BRD4: variants seen among roughly 807,000 people sequenced by gnomAD.
BRD4 encodes the protein bromodomain containing 4.
Under a neutral mutation model 142.1 loss-of-function variants are expected in BRD4, and 16 were observed. The observed-to-expected ratio is 0.11, with a 90% CI of 0.08 to 0.17. The LOEUF (loss-of-function observed/expected upper bound fraction) is 0.17. Ranked by LOEUF, BRD4 falls within the 10% of genes least tolerant of loss-of-function variation. The pLI, the probability that BRD4 is intolerant of heterozygous loss-of-function variation, is 1.00. For missense variants in BRD4, 1,424 were observed against 1,810.9 expected (o/e 0.79, Z 3.88); for synonymous variants, 833 against 707.5 (o/e 1.18, Z -2.82).
intron 1 of BRD4, among the ~76,000 whole-genome samples, chr19:15,323,530 T>C (rs1057036852): frequency 6.6e-6 from 1 of 152,184 alleles, no homozygotes; most frequent in Non-Finnish European, 1.5e-5. Flanking sequence ...CCTCTTCCCT[T>C]TTCTTTACAC....
At chr19:15,278,345 C>A (rs2047671590) in intron 1 of BRD4, among the ~76,000 whole-genome samples, 1 of 151,642 alleles carries the variant, frequency 6.6e-6, no homozygotes, top group South Asian at 2.1e-4. Context: ...GACCAGCCTG[C>A]CAATCTGGTG....
At position 15,257,069 on chromosome 19, in the gene BRD4, C is replaced by A; in HGVS notation, c.1446G>T (p.Pro482=). 2 of 1,604,450 alleles carry A rather than the reference C, an allele frequency of 1.2e-6. No homozygotes were observed. The highest frequency in any genetic ancestry group is 8.5e-7 in the Non-Finnish European group (1 of 1,177,552). ...CGCTGCTGCTGTCGCTGGATGAGGG[C>A]GGGGCCACAACCTTGGTGGGAGGGG... ...AVPPPTKVVA[P]PSSSDSSSDS... is the part of the protein sequence containing the mutation. Residue 482 remains proline (P), a synonymous_variant, in exon 8 of 20, where the codon CCG becomes CCT. Transcript: ENST00000679869.
chr19:15,242,204 G>A (rs554459765), intron 14 of BRD4, among the ~76,000 whole-genome samples: 4 of 151,982 alleles, frequency 2.6e-5, no homozygotes, highest in Admixed American at 6.5e-5. Flanking sequence ...ACCCAAGACA[G>A]GCAGCACCAT....
intron 1 of BRD4, among the ~76,000 whole-genome samples, chr19:15,291,712 A>G (rs2047783121): frequency 6.6e-6 from 1 of 151,818 alleles, no homozygotes. Context: ...CACAGCTTCC[A>G]TTTGGTGATA....
chr19:15,253,742 G>C (rs776683044), intron 11 of BRD4: 2 of 1,598,454 alleles, frequency 1.3e-6, no homozygotes, highest in Non-Finnish European at 1.7e-6. Flanking sequence ...CTGTGATACG[G>C]GGAAGGCCCT....
At chr19:15,321,407 G>C (rs909688095) in intron 1 of BRD4, among the ~76,000 whole-genome samples, 1 of 151,382 alleles carries the variant, frequency 6.6e-6, no homozygotes, top group Non-Finnish European at 1.5e-5. Flanking sequence ...TGAGGGAATG[G>C]AGGGCAGAGA....
chr19:15,255,145 A>G, intron 10 of BRD4, 152 bp downstream of exon 10: 2 of 792,048 alleles, frequency 2.5e-6, no homozygotes, highest in South Asian at 3.8e-5. Context: ...CAATGTCACA[A>G]CCTTTCGGAG....
chr19:15,244,603 G>A lies in BRD4; in HGVS notation c.2212-3C>T, dbSNP rs111301968. 1.2e-6 allele frequency: 2 copies of A among 1,612,552 alleles called. No homozygotes were observed. Among genetic ancestry groups the A allele is most frequent in the Non-Finnish European group, 8.5e-7 (1 of 1,179,876 alleles). On this transcript the variant is annotated splice_polypyrimidine_tract_variant and splice_region_variant and intron_variant, in intron 12 of 19. Coordinates refer to ENST00000679869, the MANE Select transcript of BRD4 (RefSeq NM_001379291.1). ...TGCTGATGGTGGTGATGATGGTGCT[G>A]CAGACAGAGAGACAGACAGACAGAC...
At chr19:15,279,748 C>A (rs1411196296) in intron 1 of BRD4, among the ~76,000 whole-genome samples, 1 of 152,198 alleles carries the variant, frequency 6.6e-6, no homozygotes, top group South Asian at 2.1e-4. Flanking sequence ...CCAGTTCCGT[C>A]CATCACAAGT....
At chr19:15,329,350 T>C (rs2048137296) in intron 1 of BRD4, among the ~76,000 whole-genome samples, 1 of 152,172 alleles carries the variant, frequency 6.6e-6, no homozygotes, top group Non-Finnish European at 1.5e-5. Context: ...ACATTTTACA[T>C]TCACAAAATA....
chr19:15,241,324 C>G lies in BRD4; in HGVS notation c.3170-1302G>C, dbSNP rs941762792. On this transcript the variant is annotated intron_variant, in intron 14 of 19. Coordinates refer to ENST00000679869, the MANE Select transcript of BRD4 (RefSeq NM_001379291.1). ...TGCCTTCAGCACCTGCTGAGGCTGA[C>G]CTGGGCAACGGTAGGCTCCAGGGGC... is the stretch of plus-strand genomic sequence containing the variant. Among the ~76,000 whole-genome samples the G allele has an allele frequency of 2.6e-5, 4 of 152,350 alleles. No individual in the cohort carries two copies. In the South Asian group the frequency reaches 6.2e-4, roughly 24 times the overall value.
chr19:15,280,288 G>A, intron 1 of BRD4: 4 of 1,009,740 alleles, frequency 4.0e-6, no homozygotes, highest in Non-Finnish European at 4.7e-6. Flanking sequence ...ACACCCACAA[G>A]GGGCAGAGGC....
At chr19:15,314,198 C>T (rs62113852) in intron 1 of BRD4, among the ~76,000 whole-genome samples, 22 of 152,252 alleles carry the variant, frequency 1.4e-4, no homozygotes, top group Non-Finnish European at 2.5e-4. Context: ...GTCCTGCTCC[C>T]AAAACCCTGC....
chr19:15,282,135 A>G (rs1384795658), intron 1 of BRD4, among the ~76,000 whole-genome samples: 1 of 152,248 alleles, frequency 6.6e-6, no homozygotes. Flanking sequence ...TCAGCTGTGC[A>G]GGACAAACAG....
rs777587450 is a variant in BRD4 at position 15,254,155 on chromosome 19, T to C, written c.2155A>G (p.Thr719Ala). 4 of 1,613,792 alleles carry C rather than the reference T, an allele frequency of 2.5e-6. No individual in the cohort carries two copies. The highest frequency in any genetic ancestry group is 2.5e-6 in the Non-Finnish European group (3 of 1,179,648). Residue 719 changes from threonine (T) to alanine (A), a missense_variant, in exon 11 of 20, where the codon ACA (threonine) becomes GCA (alanine). Physicochemically the swap from Thr to Ala is moderately conservative, Grantham distance 58. Coordinates refer to ENST00000679869, the MANE Select transcript of BRD4 (RefSeq NM_001379291.1). ...CGTAGAACACAAGTCACCTAACCTG[T>C]TTCGGAGTCTTCGCTGTCAGAGGAG... is the stretch of plus-strand genomic sequence containing the variant. ...SSSSDSEDSE[T>A]EMAPKSKKKG...
intron 1 of BRD4, among the ~76,000 whole-genome samples, chr19:15,276,366 C>G (rs1425271788): frequency 2.0e-5 from 3 of 152,118 alleles, no homozygotes; most frequent in Non-Finnish European, 2.9e-5. Flanking sequence ...AGCGGTTCCC[C>G]CCAACCCCAC....
intron 1 of BRD4, among the ~76,000 whole-genome samples, chr19:15,301,703 T>C (rs1415612203): frequency 2.0e-5 from 3 of 147,924 alleles, no homozygotes; most frequent in Admixed American, 6.8e-5. Context: ...CTACTAAAAA[T>C]ACAAAAAATT....
chr19:15,285,964 G>A (rs971075753), intron 1 of BRD4, among the ~76,000 whole-genome samples: 7 of 152,150 alleles, frequency 4.6e-5, no homozygotes, highest in Admixed American at 3.9e-4. Context: ...CTGGCAGCAT[G>A]AGACCCACTG....
intron 1 of BRD4, among the ~76,000 whole-genome samples, chr19:15,297,650 T>C (rs1334811051): frequency 6.6e-6 from 1 of 152,198 alleles, no homozygotes; most frequent in African/African-American, 2.4e-5. Flanking sequence ...TCATCTGCTT[T>C]TGGACATGCC....
Sources: allele counts gnomAD v4.1 joint callset (sites outside exome capture counted in the v4.1 genomes callset), GRCh38; gene constraint gnomAD v4.1.1; transcripts MANE v1.5; gene names NCBI Gene and HGNC (gene_info 2026-07-23, HGNC 2026-07-21).